ARHGAP17: variants seen among roughly 807,000 people sequenced by gnomAD.
ARHGAP17 encodes the protein Rho GTPase activating protein 17.
Under a neutral mutation model 99.5 loss-of-function variants are expected in ARHGAP17, and 57 were observed. That is an observed-to-expected ratio of 0.57 (90% confidence interval 0.46 to 0.71). The LOEUF (loss-of-function observed/expected upper bound fraction) is 0.71, where lower values mean the gene tolerates loss of function less well. ARHGAP17 is among the 30% of genes least tolerant of loss of function. The pLI is 0.00. For missense variants in ARHGAP17, 1,000 were observed against 1,122.4 expected, an observed-to-expected ratio of 0.89 and a Z score of 1.56; for synonymous variants, 417 against 429.6, an observed-to-expected ratio of 0.97 and a Z score of 0.36.
rs1179797070 is a variant in ARHGAP17 at position 24,970,536 on chromosome 16, T to C, written c.243A>G (p.Ala81=). The change falls in exon 4 of 20, where the codon GCA becomes GCG. Residue 81 remains alanine, a synonymous_variant. Transcript: ENST00000289968. Reference sequence around the variant, plus strand: ...GGAGAGAGTCTTCCAGCTGAGTCGATGCTTCTTGCATATTTTGAGCAAGAG... The same window carrying C: ...GGAGAGAGTCTTCCAGCTGAGTCGACGCTTCTTGCATATTTTGAGCAAGAG... ...LTALAQNMQE[A]STQLEDSLLG... The C allele has an allele frequency of 3.7e-6, 6 of 1,614,104 alleles. No homozygotes were observed. The highest frequency in any genetic ancestry group is 2.2e-5 in the East Asian group (1 of 44,904).
chr16:24,922,626 T>C (rs1008699976), intron 19 of ARHGAP17, among the ~76,000 whole-genome samples: 4 of 151,994 alleles, frequency 2.6e-5, no homozygotes, highest in African/African-American at 9.7e-5. Flanking sequence ...CGGCAACCTG[T>C]ACAGAACCAG....
intron 1 of ARHGAP17, among the ~76,000 whole-genome samples, chr16:25,004,429 A>G (rs934652739): frequency 3.9e-5 from 6 of 152,266 alleles, no homozygotes; most frequent in East Asian, 1.9e-4. Context: ...GTATTTCCCC[A>G]AAGTACCGCT....
At chr16:24,991,782 G>A (rs1209767346) in intron 1 of ARHGAP17, among the ~76,000 whole-genome samples, 1 of 152,184 alleles carries the variant, frequency 6.6e-6, no homozygotes, top group Non-Finnish European at 1.5e-5. Flanking sequence ...CCATCCATCC[G>A]AGGATGGACT....
At chr16:24,976,950 C>T (rs2052535372) in intron 3 of ARHGAP17, among the ~76,000 whole-genome samples, 1 of 152,246 alleles carries the variant, frequency 6.6e-6, no homozygotes, top group Admixed American at 6.5e-5. Context: ...GCATAACCGA[C>T]ACAGCCATTC....
At chr16:24,953,069 T>A in intron 10 of ARHGAP17, 27 bp from the exon 11 acceptor site, 1 of 1,608,910 alleles carries the variant, frequency 6.2e-7, no homozygotes, top group Non-Finnish European at 8.5e-7. Context: ...GCCATCAGCA[T>A]CAAGTGCAGG....
rs576270974 is a variant in ARHGAP17 at position 24,958,019 on chromosome 16, AG to A, written c.724+1651del. Among the ~76,000 whole-genome samples the A allele has an allele frequency of 2.3e-3, 354 of 152,332 alleles. 2 individuals are homozygous for A. The highest frequency in any genetic ancestry group is 8.2e-3 in the African/African-American group (341 of 41,586). ...GAAAGGCAGGTACAAGGACAGGCAG[AG>A]GTGGGAGGGGTTGAATTGCAACTCG... On this transcript the variant is annotated intron_variant, in intron 9 of 19. Coordinates refer to ENST00000289968, the MANE Select transcript of ARHGAP17 (RefSeq NM_001006634.3).
Position 24,962,496 on chromosome 16 carries a change from G to A in ARHGAP17, c.573+1701C>T, listed in dbSNP as rs186907288. 5.1e-4 allele frequency among the ~76,000 whole-genome samples: 77 copies of A among 152,280 alleles called. No homozygotes were observed. The East Asian group carries it at 9.4e-3, about 19-fold the overall frequency. On this transcript the variant is annotated intron_variant, in intron 7 of 19. Transcript: ENST00000289968. ...AAAACATAGGCCTGCTTTCAGGAGG[G>A]TTTAAAGTTTAAATTTACTGACATG... is the stretch of plus-strand genomic sequence containing the variant.
chr16:24,949,168 A>C (rs1417590877), intron 13 of ARHGAP17: 23 of 384,888 alleles, frequency 6.0e-5, no homozygotes, highest in Non-Finnish European at 2.3e-5. Context: ...CTGTAGTGGG[A>C]AAATGATAAG....
intron 17 of ARHGAP17, among the ~76,000 whole-genome samples, chr16:24,937,594 G>A (rs947272067): frequency 3.9e-5 from 6 of 152,166 alleles, no homozygotes; most frequent in Non-Finnish European, 5.9e-5. Context: ...TGAGGTGCAC[G>A]GGAAGCCCTA....
At chr16:24,934,463 T>C (rs13333871) in intron 18 of ARHGAP17, among the ~76,000 whole-genome samples, 4,801 of 150,008 alleles carry the variant, frequency 0.032, 265 homozygotes, top group African/African-American at 0.11. Context: ...GCCTCTCTTT[T>C]TTATTTTAGA....
At chr16:24,988,428 G>A (rs983698646) in intron 1 of ARHGAP17, among the ~76,000 whole-genome samples, 1 of 152,120 alleles carries the variant, frequency 6.6e-6, no homozygotes, top group Non-Finnish European at 1.5e-5. Flanking sequence ...TGGCAATGAC[G>A]TGGGAAAAAT....
At chr16:25,005,839 T>A (rs1327068802) in intron 1 of ARHGAP17, among the ~76,000 whole-genome samples, 1 of 152,238 alleles carries the variant, frequency 6.6e-6, no homozygotes, top group Admixed American at 6.5e-5. Flanking sequence ...AAATGTGATA[T>A]TCATCATGTC....
At chr16:24,958,877 T>G (rs1451100600) in intron 9 of ARHGAP17, among the ~76,000 whole-genome samples, 1 of 152,150 alleles carries the variant, frequency 6.6e-6, no homozygotes, top group Non-Finnish European at 1.5e-5. Context: ...GCTCCAAATG[T>G]CAGGTCTACA....
chr16:24,944,218 C>A (rs1460416851), intron 14 of ARHGAP17, among the ~76,000 whole-genome samples: 1 of 150,954 alleles, frequency 6.6e-6, no homozygotes, highest in Non-Finnish European at 1.5e-5. Context: ...TTGCAGTGAG[C>A]CAAGATCAGG....
chr16:24,981,529 C>A, intron 1 of ARHGAP17, among the ~76,000 whole-genome samples: 1 of 151,978 alleles, frequency 6.6e-6, no homozygotes, highest in Non-Finnish European at 1.5e-5. Flanking sequence ...ATTTGATAAC[C>A]CAAACGATAG....
At chr16:24,952,548 G>GA (rs950566486) in intron 11 of ARHGAP17, among the ~76,000 whole-genome samples, 178 bp from the exon 12 acceptor site, 6 of 147,958 alleles carry the variant, frequency 4.1e-5, no homozygotes, top group South Asian at 2.1e-4. Context: ...TTCAATCTCT[G>GA]AAAAAAAAAA....
At chr16:24,997,320 C>T (rs939072383) in intron 1 of ARHGAP17, among the ~76,000 whole-genome samples, 9 of 151,918 alleles carry the variant, frequency 5.9e-5, no homozygotes, top group South Asian at 4.2e-4. Context: ...TGGTGCAAGG[C>T]GCCCAGTACA....
rs183542194 is a variant in ARHGAP17, at chr16:24,963,119, C to T, written c.573+1078G>A. ...GGCAATAGCCAGGATCTAGGTTAGA[C>T]CAGATATTAAGAAGACTGCTGGGTA... On this transcript the variant is annotated intron_variant, in intron 7 of 19. Transcript: ENST00000289968. Among the ~76,000 whole-genome samples, 197 of 152,286 alleles carry T rather than the reference C, an allele frequency of 1.3e-3. 1 individual carries two copies. The highest frequency in any genetic ancestry group is 3.7e-3 in the African/African-American group (152 of 41,558).
At chr16:24,958,097 T>C (rs967851890) in intron 9 of ARHGAP17, among the ~76,000 whole-genome samples, 3 of 152,160 alleles carry the variant, frequency 2.0e-5, no homozygotes, top group Admixed American at 6.5e-5. Context: ...CCACGGGCTG[T>C]TCCATCCTAA....
Sources: gnomAD v4.1 joint callset for allele counts (sites outside exome capture counted in the v4.1 genomes callset) on GRCh38, gnomAD v4.1.1 for gene constraint, MANE v1.5 for transcripts, NCBI Gene and HGNC (gene_info 2026-07-23, HGNC 2026-07-21) for gene names.